USH2A: variants seen among roughly 807,000 people sequenced by gnomAD.
The protein encoded by USH2A is usherin.
A neutral mutation model predicts 538.9 loss-of-function variants in USH2A; 443 were observed. That is an observed-to-expected ratio of 0.82 (90% CI 0.76 to 0.89). The LOEUF is 0.89. Ranked by LOEUF, USH2A falls within the 40% of genes least tolerant of loss-of-function variation. The pLI, the probability that USH2A is intolerant of heterozygous loss-of-function variation, is 0.00. For missense variants in USH2A, 6,633 were observed against 6,324.8 expected (o/e 1.05, Z -1.65); for synonymous variants, 2,413 against 2,273.5 (o/e 1.06, Z -1.75).
chr1:216,266,410 C>T (rs1212137868), intron 11 of USH2A, among the ~76,000 whole-genome samples: 3 of 152,010 alleles, frequency 2.0e-5, no homozygotes, highest in African/African-American at 7.2e-5. Flanking sequence ...AAGAATGGTA[C>T]CTTCCAAATT....
chr1:215,703,067 C>T (rs988028609), intron 61 of USH2A, among the ~76,000 whole-genome samples: 2 of 152,154 alleles, frequency 1.3e-5, no homozygotes, highest in Non-Finnish European at 2.9e-5. Context: ...ACAGTCAGGG[C>T]GCTTTTCTGC....
chr1:216,135,343 G>C (rs2033464476), intron 21 of USH2A, among the ~76,000 whole-genome samples: 1 of 151,942 alleles, frequency 6.6e-6, no homozygotes, highest in African/African-American at 2.4e-5. Flanking sequence ...TTAGCACGCT[G>C]TCCAGATACA....
chr1:216,029,476 T>C (rs774476135), intron 32 of USH2A, among the ~76,000 whole-genome samples: 4 of 152,042 alleles, frequency 2.6e-5, no homozygotes, highest in Admixed American at 6.6e-5. Flanking sequence ...TTATGTTATG[T>C]TACATATGTG....
At chr1:216,198,730 G>T (rs1166800430) in intron 17 of USH2A, 146 bp from the exon 18 acceptor site, 24 of 807,168 alleles carry the variant, frequency 3.0e-5, no homozygotes, top group South Asian at 2.1e-4. Context: ...CATTCAAAAT[G>T]TAGTGATTTA....
chr1:216,304,500 A>G (rs1240834219), intron 9 of USH2A, among the ~76,000 whole-genome samples: 1 of 151,958 alleles, frequency 6.6e-6, no homozygotes, highest in Non-Finnish European at 1.5e-5. Context: ...ATTCATTATT[A>G]TAATAGATCT....
chr1:215,980,823 A>G (rs1667735854), intron 35 of USH2A, among the ~76,000 whole-genome samples: 1 of 152,108 alleles, frequency 6.6e-6, no homozygotes, highest in Admixed American at 6.6e-5. Context: ...TAGTATTCCT[A>G]CAGGGCAAAT....
At chr1:216,345,087 G>A (rs146862226) in intron 4 of USH2A, among the ~76,000 whole-genome samples, 9 of 151,814 alleles carry the variant, frequency 5.9e-5, no homozygotes, top group Admixed American at 1.3e-4. Flanking sequence ...GAACTTTTGC[G>A]CAATGGGAGG....
At chr1:216,397,874 G>C (rs145926553) in intron 3 of USH2A, among the ~76,000 whole-genome samples, 18 of 152,302 alleles carry the variant, frequency 1.2e-4, no homozygotes, top group African/African-American at 3.4e-4. Flanking sequence ...CCTTTATAAT[G>C]ATGTGAGCAA....
chr1:215,892,686 G>A (rs1311560205), intron 40 of USH2A, among the ~76,000 whole-genome samples: 1 of 152,172 alleles, frequency 6.6e-6, no homozygotes, highest in Non-Finnish European at 1.5e-5. Flanking sequence ...TGATAATAAA[G>A]AGGGTACAAC....
In USH2A at chr1:216,292,331, G is replaced by A. The variant is rs766452143; in HGVS notation, c.1684C>T (p.Arg562Cys). 6.2e-6 allele frequency: 10 copies of A among 1,613,804 alleles called. No individual in the cohort carries two copies. The East Asian group carries it at 8.9e-5, about 14-fold the overall frequency. ...CLPLYNDKPF[R>C]QGDQVYAFNC... ...AAAGCGTAAACTTGATCACCTTGGC[G>A]GAAAGGCTTGTCATTATAAAGAGGC... The change falls in exon 10 of 72, where the codon CGC becomes TGC. Residue 562 changes from arginine to cysteine, a missense_variant. By Grantham distance (180) the Arg-to-Cys change is radical (BLOSUM62 -3). Coordinates refer to ENST00000307340, the MANE Select transcript of USH2A (RefSeq NM_206933.4).
chr1:215,926,634 T>TTTTTTTTTTTG (rs1666244487), intron 38 of USH2A, among the ~76,000 whole-genome samples: 1 of 148,048 alleles, frequency 6.8e-6, no homozygotes, highest in African/African-American at 2.5e-5. Context: ...TTTTTTTTTT[T>TTTTTTTTTTTG]GAGACAGAGT....
At chr1:215,998,771 A>T in intron 34 of USH2A, 116 bp downstream of exon 34, 4 of 1,128,304 alleles carry the variant, frequency 3.5e-6, no homozygotes, top group Non-Finnish European at 5.2e-6. Flanking sequence ...AAACAGCAAT[A>T]CATGAAGATT....
chr1:215,769,514 C>T (rs1661220771), intron 55 of USH2A, among the ~76,000 whole-genome samples: 1 of 152,064 alleles, frequency 6.6e-6, no homozygotes, highest in Non-Finnish European at 1.5e-5. Flanking sequence ...TTACTTACAG[C>T]CTAGAATTTG....
intron 60 of USH2A, among the ~76,000 whole-genome samples, chr1:215,739,220 G>A (rs943183217): frequency 6.6e-6 from 1 of 152,210 alleles, no homozygotes; most frequent in African/African-American, 2.4e-5. Context: ...CACATTGGAG[G>A]AAGGTTTATT....
At chr1:216,006,456 G>A (rs1668395244) in intron 32 of USH2A, among the ~76,000 whole-genome samples, 1 of 152,028 alleles carries the variant, frequency 6.6e-6, no homozygotes, top group Non-Finnish European at 1.5e-5. Context: ...CACATCCCCA[G>A]TCCTCTTCTA....
chr1:216,273,171 T>C (rs1285347283), intron 11 of USH2A, among the ~76,000 whole-genome samples: 1 of 152,072 alleles, frequency 6.6e-6, no homozygotes. Context: ...TAAAGGGGTG[T>C]CGGACTTTTG....
chr1:215,637,208 C>T (rs1187000582), intron 69 of USH2A, among the ~76,000 whole-genome samples: 1 of 152,162 alleles, frequency 6.6e-6, no homozygotes, highest in East Asian at 1.9e-4. Context: ...GGAAACTAGA[C>T]TGGCAGGGCT....
intron 55 of USH2A, among the ~76,000 whole-genome samples, chr1:215,778,919 G>C (rs924102003): frequency 6.6e-6 from 1 of 152,170 alleles, no homozygotes; most frequent in Non-Finnish European, 1.5e-5. Flanking sequence ...AAATTGCATA[G>C]TGCACTCAAA....
At chr1:216,153,095 T>A (rs1195749018) in intron 21 of USH2A, among the ~76,000 whole-genome samples, 1 of 152,062 alleles carries the variant, frequency 6.6e-6, no homozygotes, top group East Asian at 1.9e-4. Context: ...CAGTTTCCCA[T>A]CCATTCCACT....
Sources: allele counts gnomAD v4.1 joint callset (sites outside exome capture counted in the v4.1 genomes callset), GRCh38; gene constraint gnomAD v4.1.1; transcripts MANE v1.5; gene names NCBI Gene and HGNC (gene_info 2026-07-23, HGNC 2026-07-21).